Variants in RAB31 observed in about 807,000 individuals in gnomAD.
RAB31 encodes ras-related protein Rab-31.
RAB31 carries 21 observed loss-of-function variants against 25.6 expected under a neutral mutation model. The observed-to-expected ratio is 0.82, with a 90% CI of 0.58 to 1.18. The LOEUF (loss-of-function observed/expected upper bound fraction) is 1.18, where lower values mean the gene tolerates loss of function less well. RAB31 is among the 50% of genes most tolerant of loss of function. RAB31 has a pLI of 0.00. For synonymous variants in RAB31, 87 were observed against 84.0 expected (o/e 1.04, Z -0.20); for missense variants, 196 against 250.1 (o/e 0.78, Z 1.46).
chr18:9,853,676 A>G (rs2068800360), intron 6 of RAB31, among the ~76,000 whole-genome samples: 1 of 152,190 alleles, frequency 6.6e-6, no homozygotes, highest in Admixed American at 6.5e-5. Flanking sequence ...TGAACTATAG[A>G]CTGACTATCC....
chr18:9,767,176 A>G (rs2068320429), intron 1 of RAB31, among the ~76,000 whole-genome samples: 1 of 152,262 alleles, frequency 6.6e-6, no homozygotes, highest in Non-Finnish European at 1.5e-5. Flanking sequence ...AGTGTACATT[A>G]TAGGCAAATC....
chr18:9,781,421 A>G (rs1339280192), intron 2 of RAB31, among the ~76,000 whole-genome samples: 4 of 152,090 alleles, frequency 2.6e-5, no homozygotes, highest in African/African-American at 4.8e-5. Context: ...GGTTCAAGCA[A>G]TTCTCATGCC....
At chr18:9,734,472 G>A (rs1032602069) in intron 1 of RAB31, among the ~76,000 whole-genome samples, 10 of 152,296 alleles carry the variant, frequency 6.6e-5, no homozygotes, top group South Asian at 2.1e-4. Context: ...GCGAGTTTAA[G>A]TTGTGAGTGA....
At chr18:9,783,507 C>T (rs16955581) in intron 2 of RAB31, among the ~76,000 whole-genome samples, 10,780 of 152,118 alleles carry the variant, frequency 0.071, 1,274 homozygotes, top group African/African-American at 0.25. Context: ...TATTATTTAT[C>T]GCAGCACCTA....
At chr18:9,742,561 C>T (rs1238509598) in intron 1 of RAB31, among the ~76,000 whole-genome samples, 1 of 152,130 alleles carries the variant, frequency 6.6e-6, no homozygotes, top group Non-Finnish European at 1.5e-5. Context: ...AAAGATGTTT[C>T]TATTCATAAA....
chr18:9,811,338 CA>C (rs2068569581), intron 3 of RAB31, among the ~76,000 whole-genome samples: 1 of 152,214 alleles, frequency 6.6e-6, no homozygotes. Flanking sequence ...ACTTCCTTTC[CA>C]CACTATTGTG....
chr18:9,708,589 C>A lies in RAB31; in HGVS notation c.39+145C>A. The stretch of plus-strand genomic sequence containing the variant: ...CCCCCGTCCCCCTCGTCCGCGCGCC[C>A]CCTGGTTCCCCGGGTCCCCCTGGCT... On this transcript the variant is annotated intron_variant, in intron 1 of 6. Coordinates refer to ENST00000578921, the MANE Select transcript of RAB31 (RefSeq NM_006868.4). This position sits in a 1 kb window ranked among gnomAD's most constrained non-coding sequence, Gnocchi z 6.4. 1 of 666,706 alleles carries A rather than the reference C, an allele frequency of 1.5e-6. No individual in the cohort carries two copies. Among genetic ancestry groups the A allele is most frequent in the Non-Finnish European group, 2.3e-6 (1 of 439,452 alleles). 41.3% of individuals were successfully genotyped at this position (666,706 alleles called of 1,614,324 possible). A position where few individuals can be genotyped will look rare whatever the true frequency, so the allele number is the denominator to read the frequency against.
At chr18:9,735,865 G>A (rs907857437) in intron 1 of RAB31, among the ~76,000 whole-genome samples, 2 of 152,208 alleles carry the variant, frequency 1.3e-5, no homozygotes, top group African/African-American at 2.4e-5. Flanking sequence ...TTTAAGCAGA[G>A]TCTTGCTGTC....
At chr18:9,811,750 A>G (rs553634599) in intron 3 of RAB31, among the ~76,000 whole-genome samples, 1 of 152,350 alleles carries the variant, frequency 6.6e-6, no homozygotes, top group East Asian at 1.9e-4. Context: ...ATATTATCAT[A>G]TAATGATAAA....
At chr18:9,768,342 C>T (rs1314736337) in intron 1 of RAB31, among the ~76,000 whole-genome samples, 1 of 152,186 alleles carries the variant, frequency 6.6e-6, no homozygotes, top group South Asian at 2.1e-4. Context: ...TCCTATTTCT[C>T]CACATCCTCT....
chr18:9,836,149 G>C (rs560195261), intron 5 of RAB31, among the ~76,000 whole-genome samples: 2 of 152,166 alleles, frequency 1.3e-5, no homozygotes, highest in African/African-American at 4.8e-5. Context: ...CTCGTGGCCG[G>C]CTTAATTGGT....
chr18:9,715,415 T>C (rs761353265), intron 1 of RAB31, among the ~76,000 whole-genome samples: 66 of 70,196 alleles, frequency 9.4e-4, no homozygotes, highest in Middle Eastern at 5.7e-3. Flanking sequence ...CTTTGCCCCC[T>C]TTTTTTTTTT....
intron 5 of RAB31, among the ~76,000 whole-genome samples, chr18:9,841,431 C>T (rs2068733225): frequency 6.6e-6 from 1 of 151,534 alleles, no homozygotes; most frequent in Admixed American, 6.6e-5. Flanking sequence ...CCCAGCTATT[C>T]CGGAGGCTGA....
chr18:9,721,291 A>G (rs1036246374), intron 1 of RAB31, among the ~76,000 whole-genome samples: 1 of 152,168 alleles, frequency 6.6e-6, no homozygotes, highest in Non-Finnish European at 1.5e-5. Context: ...TAAGGAGAAA[A>G]TAACCGATGT....
chr18:9,737,992 G>A (rs1168289438), intron 1 of RAB31, among the ~76,000 whole-genome samples: 1 of 152,146 alleles, frequency 6.6e-6, no homozygotes, highest in African/African-American at 2.4e-5. Flanking sequence ...CCAGCCGGCC[G>A]GCATTTAAAT....
intron 3 of RAB31, among the ~76,000 whole-genome samples, chr18:9,811,376 A>G (rs925508608): frequency 1.3e-5 from 2 of 152,220 alleles, no homozygotes; most frequent in East Asian, 1.9e-4. Context: ...TCCTCAGTGC[A>G]GTAACAGGGA....
In RAB31 at chr18:9,854,917, C is replaced by G. The variant is rs200680795; in HGVS notation, c.491-4311C>G. Among the ~76,000 whole-genome samples the G allele has an allele frequency of 1.5e-4, 23 of 152,300 alleles. No individual in the cohort carries two copies. In the East Asian group the frequency reaches 3.9e-3, roughly 26 times the overall value. Reference sequence around the variant, plus strand: ...ATCAAATCAAGAAATGGATGTTACACAGCAACTGCCAGCATTGCTAACACC... The same window carrying G: ...ATCAAATCAAGAAATGGATGTTACAGAGCAACTGCCAGCATTGCTAACACC... On this transcript the variant is annotated intron_variant, in intron 6 of 6. Coordinates refer to ENST00000578921, the MANE Select transcript of RAB31 (RefSeq NM_006868.4).
intron 3 of RAB31, among the ~76,000 whole-genome samples, chr18:9,802,815 A>G (rs1055101976): frequency 2.0e-5 from 3 of 152,282 alleles, no homozygotes; most frequent in Non-Finnish European, 1.5e-5. Flanking sequence ...TGGAGGCAGC[A>G]GATAGCTGAG....
chr18:9,845,786 C>T, intron 6 of RAB31, 95 bp downstream of exon 6: 1 of 1,419,770 alleles, frequency 7.0e-7, no homozygotes, highest in Non-Finnish European at 9.2e-7. Context: ...TGAACTTTTC[C>T]TCTGTGTGAA....
Sources: allele counts gnomAD v4.1 joint callset (sites outside exome capture counted in the v4.1 genomes callset), GRCh38; gene constraint gnomAD v4.1.1; non-coding constraint Gnocchi (gnomAD v3.1); transcripts MANE v1.5; gene names NCBI Gene and HGNC (gene_info 2026-07-23, HGNC 2026-07-21).